The following GLIPR1 variants were observed in gnomAD, a reference collection of about 807,000 sequenced individuals.
GLIPR1 encodes GLI pathogenesis related 1.
Under a neutral mutation model 30.3 loss-of-function variants are expected in GLIPR1, and 38 were observed. That is an observed-to-expected ratio of 1.26 (90% CI 0.97 to 1.65). The LOEUF is 1.65. Ranked by LOEUF, GLIPR1 falls within the 40% of genes most tolerant of loss-of-function variation. The pLI is 0.00. For missense variants in GLIPR1, 285 were observed against 326.5 expected (o/e 0.87, Z 0.98); for synonymous variants, 122 against 110.6 (o/e 1.10, Z -0.65).
chr12:75,498,649 G>C lies in GLIPR1; in HGVS notation c.620-45G>C, dbSNP rs771733392. The C allele has an allele frequency of 3.0e-5, 45 of 1,518,466 alleles. No homozygotes were observed. In the Admixed American group the frequency reaches 7.5e-4, roughly 25 times the overall value. 94.1% of individuals were successfully genotyped at this position (1,518,466 alleles called of 1,614,324 possible). A position where few individuals can be genotyped will look rare whatever the true frequency, so the allele number is the denominator to read the frequency against. On this transcript the variant is annotated intron_variant, in intron 4 of 5. Transcript: ENST00000266659. ...TTTTTAAAATAAAACTCTCAACTGTGTCTACCCTTTTAATTTTTTTTCTTT... is the reference window on the plus strand; with the variant it reads ...TTTTTAAAATAAAACTCTCAACTGTCTCTACCCTTTTAATTTTTTTTCTTT...
intron 3 of GLIPR1, chr12:75,493,335 A>G (rs2046333767): frequency 6.6e-6 from 1 of 152,154 alleles, no homozygotes; most frequent in African/African-American, 2.4e-5. Context: ...CTATACACAA[A>G]AAGTTGTAGG....
Position 75,500,006 on chromosome 12 carries a change from C to T in GLIPR1, c.*1028C>T. 1 of 1,364,598 alleles carries T rather than the reference C, an allele frequency of 7.3e-7. No individual in the cohort carries two copies. Among genetic ancestry groups the T allele is most frequent in the Non-Finnish European group, 1.0e-6 (1 of 995,952 alleles). The allele number at this position is 1,364,598 out of a possible 1,614,324, so 84.5% of individuals were successfully genotyped here. A position where few individuals can be genotyped will look rare whatever the true frequency, so the allele number is the denominator to read the frequency against. On this transcript the variant is annotated 3_prime_UTR_variant, in exon 6 of 6. Transcript: ENST00000266659. ...ATACTTTAGATTTTACCAAGTAAAA[C>T]AAAGAATATATGTTTAACAAAGAAT... is the stretch of plus-strand genomic sequence containing the variant.
intron 3 of GLIPR1, chr12:75,492,471 G>C (rs1362639337): frequency 6.6e-6 from 1 of 152,186 alleles, no homozygotes; most frequent in East Asian, 1.9e-4. Flanking sequence ...ACCTCCAATA[G>C]ATCAGGGTTA....
At chr12:75,486,207 A>G (rs191068299) in intron 2 of GLIPR1, among the ~76,000 whole-genome samples, 69 of 152,366 alleles carry the variant, frequency 4.5e-4, no homozygotes, top group African/African-American at 1.6e-3. Context: ...ACATGATGTC[A>G]CATGTAAAAT....
At chr12:75,485,533 T>TTTTATGTATTTA (rs1555239142) in intron 2 of GLIPR1, among the ~76,000 whole-genome samples, 1 of 110,428 alleles carries the variant, frequency 9.1e-6, no homozygotes, top group Non-Finnish European at 2.1e-5. Context: ...GACAGCTTTA[T>TTTTATGTATTTA]TTTATTTATT....
In GLIPR1 at chr12:75,499,757, C is replaced by T; in HGVS notation, c.*779C>T. On this transcript the variant is annotated 3_prime_UTR_variant, in exon 6 of 6. Coordinates refer to ENST00000266659, the MANE Select transcript of GLIPR1 (RefSeq NM_006851.3). Reference sequence around the variant, plus strand: ...AAATAAGGCAACTAATGCCTGATATCTCAAAATCCTTTACAAAAGGAGATA... The same window carrying T: ...AAATAAGGCAACTAATGCCTGATATTTCAAAATCCTTTACAAAAGGAGATA... The T allele has an allele frequency of 7.0e-7, 1 of 1,431,286 alleles. No homozygotes were observed. The highest frequency in any genetic ancestry group is 2.5e-5 in the East Asian group (1 of 40,274). 88.7% of individuals were successfully genotyped at this position (1,431,286 alleles called of 1,614,324 possible).
intron 3 of GLIPR1, chr12:75,490,787 TAA>T (rs1390466578): frequency 8.3e-6 from 2 of 240,348 alleles, no homozygotes. Flanking sequence ...CACATATTTT[TAA>T]GAGTGGTAAG....
rs148391524 is a variant in GLIPR1, at chr12:75,481,012, C to G, written c.132C>G (p.Phe44Leu). ...ACTGCGTTCGAATCCATAACAAGTT[C>G]CGATCAGAGGTGAAACCAACAGCCA... is the stretch of plus-strand genomic sequence containing the variant. Reference protein sequence around the residue: ...IKDCVRIHNKFRSEVKPTASD... With the variant: ...IKDCVRIHNKLRSEVKPTASD... The change falls in exon 1 of 6, where the codon TTC (phenylalanine) becomes TTG (leucine). Residue 44 changes from phenylalanine to leucine, a missense_variant. Phe to Leu is a conservative substitution (Grantham distance 22). Coordinates refer to ENST00000266659, the MANE Select transcript of GLIPR1 (RefSeq NM_006851.3). The G allele has an allele frequency of 1.2e-5, 20 of 1,613,854 alleles. No individual in the cohort carries two copies. Among genetic ancestry groups the G allele is most frequent in the Admixed American group, 1.7e-5 (1 of 59,994 alleles).
At chr12:75,495,990 T>G in intron 4 of GLIPR1, 1 of 173,706 alleles carries the variant, frequency 5.8e-6, no homozygotes, top group Non-Finnish European at 1.2e-5. Flanking sequence ...AACAGAATTC[T>G]GTTTTCGTTT....
At chr12:75,498,134 A>G (rs935033309) in intron 4 of GLIPR1, 1 of 152,522 alleles carries the variant, frequency 6.6e-6, no homozygotes, top group East Asian at 1.9e-4. Context: ...AGTATCCAGA[A>G]GGCTAAAGGC....
intron 2 of GLIPR1, among the ~76,000 whole-genome samples, chr12:75,486,659 T>C (rs2046295158): frequency 6.6e-6 from 1 of 152,084 alleles, no homozygotes; most frequent in Non-Finnish European, 1.5e-5. Context: ...TACTCAGCAA[T>C]AAAAAGCAGT....
chr12:75,481,312 T>C, intron 1 of GLIPR1: 1 of 325,234 alleles, frequency 3.1e-6, no homozygotes, highest in East Asian at 5.0e-5. Flanking sequence ...ATTTTACTTC[T>C]CTTTTTGTTA....
At chr12:75,486,156 T>C (rs1245364067) in intron 2 of GLIPR1, among the ~76,000 whole-genome samples, 1 of 152,194 alleles carries the variant, frequency 6.6e-6, no homozygotes, top group Non-Finnish European at 1.5e-5. Context: ...TCCAATCTTT[T>C]ACCTACAAAA....
chr12:75,485,324 G>A (rs1057267367), intron 2 of GLIPR1, among the ~76,000 whole-genome samples: 1 of 152,116 alleles, frequency 6.6e-6, no homozygotes, highest in Non-Finnish European at 1.5e-5. Context: ...AAAAATGTTG[G>A]TGTATAAAAT....
intron 3 of GLIPR1, 145 bp from the exon 4 acceptor site, chr12:75,495,432 C>T: frequency 1.7e-6 from 1 of 572,488 alleles, no homozygotes; most frequent in Non-Finnish European, 3.2e-6. Flanking sequence ...CCATTTCTGC[C>T]TTCCTGTCTT....
rs1566094166 is a variant in GLIPR1 at position 75,480,993 on chromosome 12, T to C, written c.113T>C (p.Val38Ala). 2.5e-6 allele frequency: 4 copies of C among 1,614,020 alleles called. No homozygotes were observed. Among genetic ancestry groups the C allele is most frequent in the Non-Finnish European group, 3.4e-6 (4 of 1,179,856 alleles). The change falls in exon 1 of 6, where the codon GTT becomes GCT. Residue 38 changes from valine (V) to alanine (A), a missense_variant. By Grantham distance (64) the Val-to-Ala change is moderately conservative. Transcript: ENST00000266659. ...AATGAAGATTTCATCAAAGACTGCG[T>C]TCGAATCCATAACAAGTTCCGATCA... ...IENEDFIKDC[V>A]RIHNKFRSEV...
At chr12:75,495,293 C>T (rs2046343709) in intron 3 of GLIPR1, 3 of 286,308 alleles carry the variant, frequency 1.0e-5, no homozygotes, top group Non-Finnish European at 2.0e-5. Context: ...GTATCTCTTA[C>T]ATCTTTTGTC....
Position 75,480,755 on chromosome 12 carries a change from C to T in GLIPR1, c.-126C>T, listed in dbSNP as rs1277424832. The T allele has an allele frequency of 6.3e-6, 4 of 630,060 alleles. No homozygotes were observed. The highest frequency in any genetic ancestry group is 5.5e-5 in the African/African-American group (3 of 54,462). 39.0% of individuals were successfully genotyped at this position (630,060 alleles called of 1,614,324 possible). On this transcript the variant is annotated 5_prime_UTR_variant, in exon 1 of 6. Transcript: ENST00000266659. ...ACTAGTGATGAACTCATGCTCTGTT[C>T]TGTTTTCTCAAAGCTGAAGTCGGCT...
At position 75,500,626 on chromosome 12, in the gene GLIPR1, G is replaced by A. The variant is rs778782720; in HGVS notation, c.*1648G>A. Reference sequence around the variant, plus strand: ...GACAATAATTTGAGAGTGTGTGGAAGTCCCCCTAATAGAAGCCAACTATCT... The same window carrying A: ...GACAATAATTTGAGAGTGTGTGGAAATCCCCCTAATAGAAGCCAACTATCT... On this transcript the variant is annotated 3_prime_UTR_variant, in exon 6 of 6. Transcript: ENST00000266659. The A allele has an allele frequency of 2.6e-5, 4 of 151,906 alleles. No individual in the cohort carries two copies. The highest frequency in any genetic ancestry group is 5.9e-5 in the Non-Finnish European group (4 of 67,942). The allele number at this position is 151,906 out of a possible 1,614,324, so 9.4% of individuals were successfully genotyped here.
Sources: gnomAD v4.1 joint callset for allele counts (sites outside exome capture counted in the v4.1 genomes callset) on GRCh38, gnomAD v4.1.1 for gene constraint, MANE v1.5 for transcripts, NCBI Gene and HGNC (gene_info 2026-07-23, HGNC 2026-07-21) for gene names.